The following HERC1 variants were observed in gnomAD, a reference collection of about 807,000 sequenced individuals.
HERC1 encodes the protein HECT and RLD domain containing E3 ubiquitin protein ligase family member 1, also known as probable E3 ubiquitin-protein ligase HERC1.
HERC1 carries 160 observed loss-of-function variants against 554.3 expected under a neutral mutation model. The observed-to-expected ratio is 0.29, with a 90% confidence interval of 0.25 to 0.33. The LOEUF (loss-of-function observed/expected upper bound fraction) is 0.33, where lower values mean the gene tolerates loss of function less well. HERC1 is among the 10% of genes least tolerant of loss of function. The pLI is 1.00. For synonymous variants in HERC1, 2,175 were observed against 2,131.7 expected (o/e 1.02, Z -0.56); for missense variants, 4,919 against 5,918.5 (o/e 0.83, Z 5.54).
chr15:63,722,972 A>G (rs891246058), intron 19 of HERC1, among the ~76,000 whole-genome samples: 1 of 152,160 alleles, frequency 6.6e-6, no homozygotes, highest in Non-Finnish European at 1.5e-5. Context: ...ATTTTCACAC[A>G]GTAGGTTTAA....
At chr15:63,706,697 T>C (rs1449804293) in intron 25 of HERC1, 83 bp downstream of exon 25, 4 of 758,528 alleles carry the variant, frequency 5.3e-6, no homozygotes, top group Non-Finnish European at 8.2e-6. Context: ...AACAGCTTCT[T>C]AATTTATTTA....
chr15:63,774,827 T>G lies in HERC1; in HGVS notation c.797A>C (p.Glu266Ala). Reference protein sequence around the residue: ...AQRGSLRYLLEWIEMALGASA... With the variant: ...AQRGSLRYLLAWIEMALGASA... ...AGCCCCCAAAGCCATTTCTATCCATTCAAGAAGATATCGCAATGAGCCTCG... is the reference window on the plus strand; with the variant it reads ...AGCCCCCAAAGCCATTTCTATCCATGCAAGAAGATATCGCAATGAGCCTCG... Residue 266 changes from glutamate (E) to alanine (A), a missense_variant, in exon 2 of 78, where the codon GAA becomes GCA. Physicochemically the swap from Glu to Ala is moderately radical, Grantham distance 107 (BLOSUM62 -1). This residue lies in a region of HERC1 where 744 missense variants were observed against 1,090.0 expected (regional missense o/e 0.68). Coordinates refer to ENST00000443617, the MANE Select transcript of HERC1 (RefSeq NM_003922.4). The G allele has an allele frequency of 1.2e-6, 2 of 1,614,000 alleles. No homozygotes were observed. The highest frequency in any genetic ancestry group is 1.7e-6 in the Non-Finnish European group (2 of 1,179,892).
intron 1 of HERC1, among the ~76,000 whole-genome samples, chr15:63,776,210 C>T (rs1434191288): frequency 6.6e-6 from 1 of 152,094 alleles, no homozygotes; most frequent in Admixed American, 6.6e-5. Flanking sequence ...TACACAAGTG[C>T]CTACTTGGCC....
At chr15:63,790,545 T>C (rs1053327121) in intron 1 of HERC1, among the ~76,000 whole-genome samples, 34 of 152,174 alleles carry the variant, frequency 2.2e-4, no homozygotes, top group African/African-American at 7.5e-4. Context: ...ACCACTGCAC[T>C]CCAGCCTGGG....
Position 63,758,012 on chromosome 15 carries a change from T to C in HERC1, c.1221+163A>G, listed in dbSNP as rs1405656307. On this transcript the variant is annotated intron_variant, in intron 4 of 77. Transcript: ENST00000443617. This position sits in a 1 kb window ranked among gnomAD's most constrained non-coding sequence, Gnocchi z 4.0. ...CGTGAGCCACTGCGCCCAGCAAAAA[T>C]TTATTTTTCTATTAAAATGAAAAAA... is the stretch of plus-strand genomic sequence containing the variant. 6.6e-6 allele frequency among the ~76,000 whole-genome samples: 1 copy of C among 152,156 alleles called. No homozygotes were observed. The highest frequency in any genetic ancestry group is 1.5e-5 in the Non-Finnish European group (1 of 68,022).
At chr15:63,687,761 G>C (rs1342503427) in intron 33 of HERC1, among the ~76,000 whole-genome samples, 3 of 152,218 alleles carry the variant, frequency 2.0e-5, no homozygotes, top group Non-Finnish European at 4.4e-5. Context: ...ACACGACAAA[G>C]AGTGTGTGGC....
chr15:63,676,570 A>G (rs1241046352), intron 37 of HERC1, among the ~76,000 whole-genome samples: 3 of 152,006 alleles, frequency 2.0e-5, no homozygotes, highest in African/African-American at 7.3e-5. Context: ...CAACCTGGGT[A>G]ACATGGTGAA....
At chr15:63,690,023 G>T (rs2153036157) in intron 32 of HERC1, among the ~76,000 whole-genome samples, 1 of 152,072 alleles carries the variant, frequency 6.6e-6, no homozygotes, top group East Asian at 1.9e-4. Context: ...AATTAGCCAG[G>T]CATGGTAGCA....
intron 55 of HERC1, among the ~76,000 whole-genome samples, chr15:63,647,806 AAAC>A (rs1363953373): frequency 2.0e-5 from 3 of 152,272 alleles, no homozygotes; most frequent in Admixed American, 6.5e-5. Flanking sequence ...AAAAGACAAA[AAAC>A]AACAGATGTT....
chr15:63,634,977 A>C (rs899280390), intron 65 of HERC1, 89 bp from the exon 66 acceptor site: 3 of 896,040 alleles, frequency 3.3e-6, no homozygotes, highest in Non-Finnish European at 5.0e-6. Flanking sequence ...ATATAGCAAT[A>C]AACTTTACAT....
At position 63,663,072 on chromosome 15, in the gene HERC1, G is replaced by T. The variant is rs548499916; in HGVS notation, c.8813C>A (p.Ala2938Glu). 1 of 1,613,858 alleles carries T rather than the reference G, an allele frequency of 6.2e-7. No individual in the cohort carries two copies. Among genetic ancestry groups the T allele is most frequent in the African/African-American group, 1.3e-5 (1 of 74,990 alleles). Residue 2938 changes from alanine to glutamate, a missense_variant, in exon 44 of 78, where the codon GCG becomes GAG. Coordinates refer to ENST00000443617, the MANE Select transcript of HERC1 (RefSeq NM_003922.4). ...EELEIDLDDE[A>E]MEAMFGQDLT... ...GTCTTGTCCAAACATAGCTTCCATC[G>T]CCTCATCATCAAGATCAATTTCCAA...
At chr15:63,714,038 A>C (rs1461206905) in intron 22 of HERC1, among the ~76,000 whole-genome samples, 2 of 152,180 alleles carry the variant, frequency 1.3e-5, no homozygotes, top group Non-Finnish European at 2.9e-5. Context: ...AGACCTTCTG[A>C]ATCAGAACCT....
chr15:63,786,809 G>A (rs1567126292), intron 1 of HERC1, among the ~76,000 whole-genome samples: 4 of 152,048 alleles, frequency 2.6e-5, no homozygotes, highest in Non-Finnish European at 2.9e-5. Flanking sequence ...AAAATGTTTT[G>A]GAACTAGAGA....
chr15:63,743,160 C>A (rs957436040), intron 12 of HERC1, among the ~76,000 whole-genome samples: 1 of 151,642 alleles, frequency 6.6e-6, no homozygotes, highest in Non-Finnish European at 1.5e-5. Flanking sequence ...TTGACTTGCC[C>A]TTTGAGACTA....
chr15:63,784,549 T>C (rs1047768570), intron 1 of HERC1, among the ~76,000 whole-genome samples: 1 of 152,126 alleles, frequency 6.6e-6, no homozygotes, highest in Non-Finnish European at 1.5e-5. Context: ...AGGAAAGATA[T>C]TTGCTCTTCA....
In HERC1 at chr15:63,719,502, G is replaced by C. The variant is rs147449405; in HGVS notation, c.3743-605C>G. ...CTCCAGGTTTTACTCGGGGAAAAAT[G>C]AGAAGCAGCATTAGAAGGCTTTGAA... On this transcript the variant is annotated intron_variant, in intron 19 of 77. Coordinates refer to ENST00000443617, the MANE Select transcript of HERC1 (RefSeq NM_003922.4). Among the ~76,000 whole-genome samples, 10 of 152,376 alleles carry C rather than the reference G, an allele frequency of 6.6e-5. No individual in the cohort carries two copies. The East Asian group carries it at 1.7e-3, about 26-fold the overall frequency.
At position 63,774,740 on chromosome 15, in the gene HERC1, C is replaced by G; in HGVS notation, c.884G>C (p.Ser295Thr). ...KLLSSQEGMISFDCFMTILMQ... is the reference protein window; with the variant it reads ...KLLSSQEGMITFDCFMTILMQ... ...TAATATGGTCATAAAGCAGTCAAAG[C>G]TGATCATTCCTTCCTGGCTTGAGAG... Residue 295 changes from serine (S) to threonine (T), a missense_variant, in exon 2 of 78, where the codon AGC becomes ACC. Ser to Thr is a moderately conservative substitution (Grantham distance 58). Around this residue, in one of 11 missense-constraint regions of HERC1, gnomAD observed 744 missense variants for 1,090.0 expected, o/e 0.68. Coordinates refer to ENST00000443617, the MANE Select transcript of HERC1 (RefSeq NM_003922.4). The G allele has an allele frequency of 6.2e-7, 1 of 1,613,860 alleles. No individual in the cohort carries two copies. The highest frequency in any genetic ancestry group is 1.1e-5 in the South Asian group (1 of 91,048).
In HERC1 at chr15:63,716,291, G is replaced by A. The variant is rs1370586317; in HGVS notation, c.4150+11C>T. On this transcript the variant is annotated intron_variant, in intron 22 of 77. Transcript: ENST00000443617. Reference sequence around the variant, plus strand: ...CAGTTTGTATCTAGAAAGTAAGAAGGGTATACTCACTGCCAGCTGTCATCA... The same window carrying A: ...CAGTTTGTATCTAGAAAGTAAGAAGAGTATACTCACTGCCAGCTGTCATCA... 2 of 1,607,482 alleles carry A rather than the reference G, an allele frequency of 1.2e-6. No homozygotes were observed. The highest frequency in any genetic ancestry group is 1.7e-6 in the Non-Finnish European group (2 of 1,176,532).
chr15:63,687,866 T>C (rs537507248), intron 33 of HERC1, among the ~76,000 whole-genome samples: 2 of 152,264 alleles, frequency 1.3e-5, no homozygotes, highest in East Asian at 3.9e-4. Flanking sequence ...CTAGAGGTAA[T>C]AGCCAGTTTA....
Sources: gnomAD v4.1 joint callset for allele counts (sites outside exome capture counted in the v4.1 genomes callset) on GRCh38, gnomAD v4.1.1 for gene constraint, gnomAD v4.1.1 regional missense constraint, Gnocchi (gnomAD v3.1) non-coding constraint, MANE v1.5 for transcripts, NCBI Gene and HGNC (gene_info 2026-07-23, HGNC 2026-07-21) for gene names.